Variants in SSBP2 observed in about 807,000 individuals in gnomAD.
The protein encoded by SSBP2 is single stranded DNA binding protein 2.
A neutral mutation model predicts 61.8 loss-of-function variants in SSBP2; 17 were observed. That is an observed-to-expected ratio of 0.28 (90% CI 0.19 to 0.41). SSBP2 has a LOEUF of 0.41. Among genes scored for constraint, SSBP2 ranks in the 10% least tolerant of loss-of-function variants. The pLI, the probability that SSBP2 is intolerant of heterozygous loss-of-function variation, is 1.00. For synonymous variants in SSBP2, 139 were observed against 141.3 expected, an observed-to-expected ratio of 0.98 and a Z score of 0.12; for missense variants, 310 against 458.7, an observed-to-expected ratio of 0.68 and a Z score of 2.96.
chr5:81,444,404 GT>G (rs1199605030), intron 12 of SSBP2, among the ~76,000 whole-genome samples: 1 of 152,232 alleles, frequency 6.6e-6, no homozygotes, highest in East Asian at 1.9e-4. Flanking sequence ...CTTCCATGAG[GT>G]TTTTTCCTGG....
At chr5:81,595,576 G>C (rs1371501352) in intron 4 of SSBP2, among the ~76,000 whole-genome samples, 3 of 152,294 alleles carry the variant, frequency 2.0e-5, no homozygotes, top group African/African-American at 7.2e-5. Context: ...GATGAACACT[G>C]ATGCAAAAAT....
chr5:81,710,083 A>G (rs1754666682), intron 1 of SSBP2, among the ~76,000 whole-genome samples: 1 of 152,050 alleles, frequency 6.6e-6, no homozygotes, highest in African/African-American at 2.4e-5. Flanking sequence ...AGAAGAGAAA[A>G]AAAACCAAGA....
chr5:81,466,044 G>T (rs1425883428), intron 9 of SSBP2, among the ~76,000 whole-genome samples: 1 of 151,970 alleles, frequency 6.6e-6, no homozygotes, highest in African/African-American at 2.4e-5. Context: ...TATCTTCAAT[G>T]CCATTAAATG....
At chr5:81,438,435 A>G (rs1436259130) in intron 14 of SSBP2, among the ~76,000 whole-genome samples, 1 of 152,176 alleles carries the variant, frequency 6.6e-6, no homozygotes, top group Non-Finnish European at 1.5e-5. Flanking sequence ...TTTATTTTAA[A>G]CAATTTAACT....
At chr5:81,606,844 A>G (rs553721792) in intron 4 of SSBP2, among the ~76,000 whole-genome samples, 1 of 152,350 alleles carries the variant, frequency 6.6e-6, no homozygotes, top group African/African-American at 2.4e-5. Flanking sequence ...AAGGCTATAT[A>G]GGTAGGTGGC....
chr5:81,465,377 TA>T (rs1764818747), intron 9 of SSBP2, among the ~76,000 whole-genome samples: 1 of 151,970 alleles, frequency 6.6e-6, no homozygotes, highest in Non-Finnish European at 1.5e-5. Context: ...TCTAGGAAAT[TA>T]AATGCATGCA....
At chr5:81,696,836 C>T (rs578195369) in intron 1 of SSBP2, among the ~76,000 whole-genome samples, 18 of 152,264 alleles carry the variant, frequency 1.2e-4, no homozygotes, top group African/African-American at 3.6e-4. Context: ...TAAACTGCTA[C>T]GGAGCAGGAA....
chr5:81,712,712 TTTTG>T lies in SSBP2; in HGVS notation c.62+38265_62+38268del, dbSNP rs996815859. ...CCACCAAAATGAAAGTAAAGGGACTTTTTGTTTGTTTCTTTGTTTTTTTTTTTTT... is the reference window on the plus strand; with the variant it reads ...CCACCAAAATGAAAGTAAAGGGACTTTTTGTTTCTTTGTTTTTTTTTTTTT... On this transcript the variant is annotated intron_variant, in intron 1 of 16. Coordinates refer to ENST00000320672, the MANE Select transcript of SSBP2 (RefSeq NM_012446.5). Among the ~76,000 whole-genome samples the T allele has an allele frequency of 6.9e-5, 10 of 145,178 alleles. No individual in the cohort carries two copies. The East Asian group carries it at 1.4e-3, about 20-fold the overall frequency.
At chr5:81,570,329 G>T (rs1241983999) in intron 4 of SSBP2, among the ~76,000 whole-genome samples, 1 of 152,038 alleles carries the variant, frequency 6.6e-6, no homozygotes, top group Non-Finnish European at 1.5e-5. Context: ...ATACTTTCTG[G>T]TTCATTAGTA....
chr5:81,616,777 C>G (rs827074), intron 3 of SSBP2, among the ~76,000 whole-genome samples: 36,815 of 151,266 alleles, frequency 0.24, 5,932 homozygotes, highest in East Asian at 0.68. Context: ...ACTGCCTCCT[C>G]AAGTGGGTCC....
At chr5:81,612,319 T>C (rs868830706) in intron 4 of SSBP2, among the ~76,000 whole-genome samples, 1 of 152,140 alleles carries the variant, frequency 6.6e-6, no homozygotes, top group Non-Finnish European at 1.5e-5. Flanking sequence ...TAAATTTAAA[T>C]TTTATTTCAT....
intron 5 of SSBP2, among the ~76,000 whole-genome samples, chr5:81,503,500 C>A (rs777243731): frequency 1.1e-4 from 16 of 151,980 alleles, no homozygotes; most frequent in Non-Finnish European, 2.1e-4. Context: ...GGCAAGGTTG[C>A]AGAGAAAAAG....
chr5:81,436,034 G>A (rs1480965677), intron 15 of SSBP2, among the ~76,000 whole-genome samples: 4 of 151,660 alleles, frequency 2.6e-5, no homozygotes, highest in East Asian at 1.9e-4. Flanking sequence ...CTAAAAATAC[G>A]AAAATTAGCA....
At chr5:81,478,897 TA>T (rs1765780659) in intron 6 of SSBP2, among the ~76,000 whole-genome samples, 1 of 152,256 alleles carries the variant, frequency 6.6e-6, no homozygotes, top group Non-Finnish European at 1.5e-5. Context: ...TTCAAAACTT[TA>T]CTGTTTCTAG....
rs554693715 is a variant in SSBP2 at position 81,660,251 on chromosome 5, A to T, written c.63-9912T>A. On this transcript the variant is annotated intron_variant, in intron 1 of 16. Coordinates refer to ENST00000320672, the MANE Select transcript of SSBP2 (RefSeq NM_012446.5). ...ACAGGCAACCTACAGAATGGGAGAA[A>T]ATTTTTGCAATCTACCCATCTGACA... Among the ~76,000 whole-genome samples the T allele has an allele frequency of 4.6e-5, 7 of 152,258 alleles. No individual in the cohort carries two copies. In the South Asian group the frequency reaches 1.5e-3, roughly 32 times the overall value.
chr5:81,720,378 C>CTTGAGCT (rs1755462781), intron 1 of SSBP2, among the ~76,000 whole-genome samples: 1 of 152,162 alleles, frequency 6.6e-6, no homozygotes, highest in Admixed American at 6.6e-5. Flanking sequence ...AATTTAAAAT[C>CTTGAGCT]TGTATCACAG....
intron 1 of SSBP2, among the ~76,000 whole-genome samples, chr5:81,689,816 T>G (rs1245227557): frequency 6.6e-6 from 1 of 152,108 alleles, no homozygotes; most frequent in Admixed American, 6.5e-5. Flanking sequence ...ATTGTGACAC[T>G]GTAATTGTGG....
chr5:81,486,677 A>C (rs1766406823), intron 6 of SSBP2, among the ~76,000 whole-genome samples: 1 of 152,194 alleles, frequency 6.6e-6, no homozygotes, highest in South Asian at 2.1e-4. Context: ...GACTGTCAAT[A>C]TATACAGGTT....
chr5:81,502,451 T>C (rs759429444), intron 5 of SSBP2, among the ~76,000 whole-genome samples: 5 of 152,168 alleles, frequency 3.3e-5, no homozygotes, highest in Non-Finnish European at 7.3e-5. Flanking sequence ...CCATCTATGC[T>C]CACTATCTTG....
Sources: allele counts gnomAD v4.1 joint callset (sites outside exome capture counted in the v4.1 genomes callset), GRCh38; gene constraint gnomAD v4.1.1; transcripts MANE v1.5; gene names NCBI Gene and HGNC (gene_info 2026-07-23, HGNC 2026-07-21).